Variants in INSR observed in about 807,000 individuals in gnomAD.
The protein encoded by INSR is insulin receptor.
Under a neutral mutation model 142.6 loss-of-function variants are expected in INSR, and 67 were observed. The observed-to-expected ratio is 0.47, with a 90% CI of 0.39 to 0.58. The LOEUF is 0.58. Ranked by LOEUF, INSR falls within the 20% of genes least tolerant of loss-of-function variation. The pLI is 0.00. For missense variants in INSR, 1,248 were observed against 1,833.2 expected, an observed-to-expected ratio of 0.68 and a Z score of 5.83; for synonymous variants, 756 against 743.1, an observed-to-expected ratio of 1.02 and a Z score of -0.28.
intron 2 of INSR, among the ~76,000 whole-genome samples, chr19:7,198,632 T>G (rs569404149): frequency 6.6e-6 from 1 of 151,836 alleles, no homozygotes; most frequent in South Asian, 2.1e-4. Flanking sequence ...GCAAAATTCC[T>G]CACATTGCAG....
intron 9 of INSR, among the ~76,000 whole-genome samples, chr19:7,153,211 C>CAT: frequency 1.6e-5 from 1 of 64,426 alleles, no homozygotes; most frequent in Non-Finnish European, 4.3e-5. Context: ...ACACACCACA[C>CAT]ACCACACACA....
intron 2 of INSR, among the ~76,000 whole-genome samples, chr19:7,238,875 A>G (rs899018695): frequency 6.9e-6 from 1 of 145,390 alleles, no homozygotes; most frequent in African/African-American, 2.6e-5. Context: ...CCACAAACAG[A>G]TATTTGTAGA....
intron 13 of INSR, among the ~76,000 whole-genome samples, chr19:7,139,169 C>T (rs1304102181): frequency 6.6e-6 from 1 of 152,194 alleles, no homozygotes; most frequent in Non-Finnish European, 1.5e-5. Context: ...AGGCCCCAGC[C>T]ATGTGAATGA....
intron 1 of INSR, among the ~76,000 whole-genome samples, chr19:7,282,467 G>A (rs1408139274): frequency 6.6e-6 from 1 of 151,986 alleles, no homozygotes; most frequent in Non-Finnish European, 1.5e-5. Context: ...TGGGTGGCTT[G>A]AGGTCAGGAG....
At chr19:7,175,978 G>A (rs1308205480) in intron 3 of INSR, among the ~76,000 whole-genome samples, 1 of 152,126 alleles carries the variant, frequency 6.6e-6, no homozygotes, top group Non-Finnish European at 1.5e-5. Flanking sequence ...TTACCCCAAA[G>A]TGACAAGACT....
intron 2 of INSR, among the ~76,000 whole-genome samples, chr19:7,247,266 C>T (rs1379347784): frequency 5.9e-5 from 9 of 152,186 alleles, no homozygotes; most frequent in Admixed American, 5.9e-4. Flanking sequence ...AACCCACACC[C>T]ATTTTACTCC....
chr19:7,162,961 G>C (rs969899357), intron 9 of INSR, 71 bp downstream of exon 9: 1 of 1,458,266 alleles, frequency 6.9e-7, no homozygotes, highest in Admixed American at 1.7e-5. Flanking sequence ...TGCTTCCCTA[G>C]AGGTGAAGCA....
In INSR at chr19:7,184,360, CTTG is replaced by C. The variant is rs775724610; in HGVS notation, c.927_929del (p.Asn309del). ...ACCCGGAGGGACACTCAGGGATGCACTTGTTGTTGTGAATGACGTACTGGTGGC... is the reference window on the plus strand; with the variant it reads ...ACCCGGAGGGACACTCAGGGATGCACTTGTTGTGAATGACGTACTGGTGGC... On this transcript the variant is annotated inframe_deletion, in exon 3 of 22. Coordinates refer to ENST00000302850, the MANE Select transcript of INSR (RefSeq NM_000208.4). 6.2e-7 allele frequency: 1 copy of C among 1,614,038 alleles called. No homozygotes were observed. The highest frequency in any genetic ancestry group is 8.5e-7 in the Non-Finnish European group (1 of 1,180,040).
chr19:7,227,304 G>T (rs10404551), intron 2 of INSR, among the ~76,000 whole-genome samples: 60,262 of 151,242 alleles, frequency 0.4, 12,152 homozygotes, highest in East Asian at 0.49. Context: ...ACAGGGTCTG[G>T]CTCTGTTGCC....
chr19:7,137,128 G>A (rs1435161160), intron 13 of INSR, among the ~76,000 whole-genome samples: 18 of 151,980 alleles, frequency 1.2e-4, no homozygotes, highest in African/African-American at 4.1e-4. Context: ...CACTGCTCCT[G>A]GCCTAAAACT....
chr19:7,278,496 T>A (rs551304588), intron 1 of INSR, among the ~76,000 whole-genome samples: 2 of 152,276 alleles, frequency 1.3e-5, no homozygotes, highest in South Asian at 4.1e-4. Context: ...AGACCAACAA[T>A]TTCCAGGGAT....
chr19:7,148,667 G>A (rs1248010175), intron 11 of INSR, among the ~76,000 whole-genome samples: 1 of 149,878 alleles, frequency 6.7e-6, no homozygotes, highest in African/African-American at 2.5e-5. Flanking sequence ...TTGTAGTAAC[G>A]GGGTTTCACC....
chr19:7,248,754 A>AT lies in INSR; in HGVS notation c.652+18590dup, dbSNP rs552940485. Among the ~76,000 whole-genome samples, 237 of 97,258 alleles carry AT rather than the reference A, an allele frequency of 2.4e-3. 16 individuals are homozygous for AT. The highest frequency in any genetic ancestry group is 9.3e-3 in the African/African-American group (206 of 22,128). 63.8% of individuals were successfully genotyped at this position (97,258 alleles called of 152,430 possible). A position where few individuals can be genotyped will look rare whatever the true frequency, so the allele number is the denominator to read the frequency against. On this transcript the variant is annotated intron_variant, in intron 2 of 21. Transcript: ENST00000302850. Reference sequence around the variant, plus strand: ...CCTGGACTATTCCCGGTTGGCCAGAATTTTTTTTTTTTTTTTTTTTTGAGA... The same window carrying AT: ...CCTGGACTATTCCCGGTTGGCCAGAATTTTTTTTTTTTTTTTTTTTTTGAGA...
At chr19:7,277,891 A>G (rs1002308327) in intron 1 of INSR, among the ~76,000 whole-genome samples, 1 of 152,066 alleles carries the variant, frequency 6.6e-6, no homozygotes. Flanking sequence ...CAGGAGTTCG[A>G]GACCAGCCAG....
At chr19:7,204,924 T>C (rs1301424907) in intron 2 of INSR, among the ~76,000 whole-genome samples, 1 of 151,816 alleles carries the variant, frequency 6.6e-6, no homozygotes, top group Non-Finnish European at 1.5e-5. Flanking sequence ...CTACTAAATA[T>C]ACAAAAAAAA....
At chr19:7,201,978 C>T (rs1974973409) in intron 2 of INSR, among the ~76,000 whole-genome samples, 1 of 152,108 alleles carries the variant, frequency 6.6e-6, no homozygotes. Context: ...TTAATTTTAT[C>T]TACAATATTT....
chr19:7,191,213 C>G (rs1162653079), intron 2 of INSR, among the ~76,000 whole-genome samples: 1 of 151,928 alleles, frequency 6.6e-6, no homozygotes, highest in African/African-American at 2.4e-5. Flanking sequence ...AGCAGAATTG[C>G]TTGAACCCGG....
At chr19:7,188,415 G>T (rs140211463) in intron 2 of INSR, among the ~76,000 whole-genome samples, 1 of 151,526 alleles carries the variant, frequency 6.6e-6, no homozygotes, top group South Asian at 2.1e-4. Context: ...GCGTGGTGGT[G>T]GGCGCCTGTA....
At chr19:7,250,890 C>T (rs1244789797) in intron 2 of INSR, among the ~76,000 whole-genome samples, 1 of 151,886 alleles carries the variant, frequency 6.6e-6, no homozygotes, top group Non-Finnish European at 1.5e-5. Context: ...AGAACTGTCC[C>T]AGGAACGTAC....
Sources: allele counts gnomAD v4.1 joint callset (sites outside exome capture counted in the v4.1 genomes callset), GRCh38; gene constraint gnomAD v4.1.1; transcripts MANE v1.5; gene names NCBI Gene and HGNC (gene_info 2026-07-23, HGNC 2026-07-21).